The following SMCO2 variants were observed in gnomAD, a reference collection of about 807,000 sequenced individuals.
SMCO2 encodes single-pass membrane and coiled-coil domain-containing protein 2.
SMCO2 carries 25 observed loss-of-function variants against 29.5 expected under a neutral mutation model. That is an observed-to-expected ratio of 0.85 (90% CI 0.62 to 1.18). The LOEUF is 1.18. Ranked by LOEUF, SMCO2 falls within the 50% of genes most tolerant of loss-of-function variation. The pLI is 0.00. For missense variants in SMCO2, 348 were observed against 344.5 expected (o/e 1.01, Z -0.08); for synonymous variants, 117 against 123.3 (o/e 0.95, Z 0.34).
chr12:27,477,634 C>CTTTTTT (rs3051833), intron 4 of SMCO2, among the ~76,000 whole-genome samples: 3,523 of 109,122 alleles, frequency 0.032, 143 homozygotes, highest in African/African-American at 0.095. Flanking sequence ...CTTTTTCATT[C>CTTTTTT]TTTTTTTTTT....
the SMCO2 span, among the ~76,000 whole-genome samples, chr12:27,434,698 G>A: frequency 6.6e-6 from 1 of 152,138 alleles, no homozygotes; most frequent in East Asian, 1.9e-4. Flanking sequence ...AATATCTGTG[G>A]CAGCTTAAGG....
chr12:27,438,782 C>T, the SMCO2 span, among the ~76,000 whole-genome samples: 5 of 145,812 alleles, frequency 3.4e-5, no homozygotes, highest in Non-Finnish European at 7.5e-5. Flanking sequence ...ACCATTTCCC[C>T]CACAAAAAAA....
At chr12:27,472,055 A>C (rs1949545223) in intron 2 of SMCO2, among the ~76,000 whole-genome samples, 1 of 152,184 alleles carries the variant, frequency 6.6e-6, no homozygotes, top group African/African-American at 2.4e-5. Flanking sequence ...TAATAAAAAA[A>C]CTGATTGGAA....
chr12:27,495,744 A>G, exon 7 of SMCO2: 1 of 1,539,938 alleles, frequency 6.5e-7, no homozygotes, highest in Non-Finnish European at 8.8e-7. Context: ...GAGGCAGAGG[A>G]CACTGACTCT....
upstream of SMCO2, among the ~76,000 whole-genome samples, chr12:27,462,383 A>AT (rs1470462574): frequency 6.6e-6 from 1 of 152,074 alleles, no homozygotes; most frequent in Non-Finnish European, 1.5e-5. Flanking sequence ...AAAAACAGTG[A>AT]TTTTATCATT....
chr12:27,475,658 G>T, intron 4 of SMCO2: 1 of 1,549,794 alleles, frequency 6.5e-7, no homozygotes, highest in South Asian at 1.2e-5. Context: ...ACTTGGAGCT[G>T]ATTACATAGA....
At chr12:27,481,217 T>C (rs1194153875) in intron 4 of SMCO2, among the ~76,000 whole-genome samples, 3 of 152,220 alleles carry the variant, frequency 2.0e-5, no homozygotes, top group Non-Finnish European at 4.4e-5. Context: ...GTGCTGCAGT[T>C]GCTTTGGTCT....
the SMCO2 span, among the ~76,000 whole-genome samples, chr12:27,435,251 C>T: frequency 7.3e-6 from 1 of 136,378 alleles, no homozygotes; most frequent in African/African-American, 2.7e-5. Flanking sequence ...TTAGCTGCAT[C>T]CCTGGCCTCT....
At chr12:27,424,400 G>A in the SMCO2 span, 1 of 152,188 alleles carries the variant, frequency 6.6e-6, no homozygotes, top group South Asian at 2.1e-4. Flanking sequence ...TTGGAATCAA[G>A]TGAAATGAGT....
At chr12:27,483,890 A>G (rs543231437) in intron 4 of SMCO2, among the ~76,000 whole-genome samples, 8 of 152,212 alleles carry the variant, frequency 5.3e-5, no homozygotes, top group African/African-American at 1.9e-4. Context: ...TTCTGTACTG[A>G]ATATAAGCCC....
At chr12:27,430,350 A>G in the SMCO2 span, among the ~76,000 whole-genome samples, 27 of 152,320 alleles carry the variant, frequency 1.8e-4, 1 homozygote, top group African/African-American at 5.0e-4. Flanking sequence ...AAAAGTGTTC[A>G]AACTATAAAA....
At chr12:27,434,788 A>T in the SMCO2 span, among the ~76,000 whole-genome samples, 9 of 152,296 alleles carry the variant, frequency 5.9e-5, no homozygotes, top group African/African-American at 1.9e-4. Context: ...GGAAGGGGGT[A>T]CTGTAAGTCA....
Position 27,484,252 on chromosome 12 carries a change from G to A in SMCO2, c.363-4208G>A, listed in dbSNP as rs185605020. On this transcript the variant is annotated intron_variant, in intron 4 of 7. Transcript: ENST00000298876. ...CTAAAAATACAAAAATTAGCTGGGCGCCTGTAATCCCCGCTGCTCGGGAGG... is the reference window on the plus strand; with the variant it reads ...CTAAAAATACAAAAATTAGCTGGGCACCTGTAATCCCCGCTGCTCGGGAGG... Among the ~76,000 whole-genome samples, 73 of 152,050 alleles carry A rather than the reference G, an allele frequency of 4.8e-4. 1 individual carries two copies. Among genetic ancestry groups the A allele is most frequent in the African/African-American group, 1.3e-3 (53 of 41,484 alleles).
the SMCO2 span, among the ~76,000 whole-genome samples, chr12:27,458,741 G>A: frequency 1.3e-5 from 2 of 151,914 alleles, no homozygotes; most frequent in African/African-American, 4.8e-5. Context: ...ACAAAAATTA[G>A]CCGGGCATGG....
chr12:27,451,562 G>A, the SMCO2 span, among the ~76,000 whole-genome samples: 1 of 152,182 alleles, frequency 6.6e-6, no homozygotes, highest in South Asian at 2.1e-4. Context: ...TATCTAACAC[G>A]TGTATTTTCT....
intron 1 of SMCO2, among the ~76,000 whole-genome samples, chr12:27,469,277 A>AT (rs1034656585): frequency 6.6e-6 from 1 of 152,138 alleles, no homozygotes; most frequent in Non-Finnish European, 1.5e-5. Flanking sequence ...TCAAAGGTTT[A>AT]TTTTTTGCCA....
chr12:27,437,817 T>C, the SMCO2 span, among the ~76,000 whole-genome samples: 1 of 152,202 alleles, frequency 6.6e-6, no homozygotes, highest in Non-Finnish European at 1.5e-5. Flanking sequence ...TCACCTGGGC[T>C]CTGTATCTGA....
At position 27,488,656 on chromosome 12, in the gene SMCO2, A is replaced by C. The variant is rs957327627; in HGVS notation, c.450+109A>C. ...ATAACAAGAAGTAAGACTCATAAGC[A>C]GGAGTGCTCTCTGGTGGTCACGTCT... On this transcript the variant is annotated intron_variant, in intron 5 of 7. Coordinates refer to ENST00000298876, the Ensembl canonical transcript of SMCO2. 7 of 726,910 alleles carry C rather than the reference A, an allele frequency of 9.6e-6. No individual in the cohort carries two copies. The African/African-American group carries it at 1.1e-4, about 12-fold the overall frequency. The allele number at this position is 726,910 out of a possible 1,614,324, so 45.0% of individuals were successfully genotyped here.
chr12:27,430,590 C>T, the SMCO2 span, among the ~76,000 whole-genome samples: 1 of 152,076 alleles, frequency 6.6e-6, no homozygotes, highest in Non-Finnish European at 1.5e-5. Flanking sequence ...AATCTAATTC[C>T]AACATGTTTA....
Sources: gnomAD v4.1 joint callset for allele counts (sites outside exome capture counted in the v4.1 genomes callset) on GRCh38, gnomAD v4.1.1 for gene constraint, MANE v1.5 for transcripts, NCBI Gene and HGNC (gene_info 2026-07-23, HGNC 2026-07-21) for gene names.